The following TMEM178B variants were observed in gnomAD, a reference collection of about 807,000 sequenced individuals.
TMEM178B encodes the protein transmembrane protein 178B.
A neutral mutation model predicts 31.0 loss-of-function variants in TMEM178B; 5 were observed. That is an observed-to-expected ratio of 0.16 (90% CI 0.08 to 0.34). TMEM178B has a LOEUF of 0.34. TMEM178B is among the 10% of genes least tolerant of loss of function. TMEM178B has a pLI of 1.00. For synonymous variants in TMEM178B, 164 were observed against 164.0 expected (o/e 1.00, Z 0.00); for missense variants, 275 against 400.3 (o/e 0.69, Z 2.67).
chr7:141,203,880 A>T (rs1796919584), intron 1 of TMEM178B, among the ~76,000 whole-genome samples: 1 of 151,998 alleles, frequency 6.6e-6, no homozygotes, highest in African/African-American at 2.4e-5. Flanking sequence ...AAACACACGG[A>T]CTCTCAGAAG....
intron 2 of TMEM178B, among the ~76,000 whole-genome samples, chr7:141,336,179 C>T (rs1445972770): frequency 6.6e-6 from 1 of 152,118 alleles, no homozygotes; most frequent in African/African-American, 2.4e-5. Flanking sequence ...TTATTTGCTG[C>T]TCTTCCTCAT....
chr7:141,470,919 G>A lies in TMEM178B; in HGVS notation c.*133G>A, dbSNP rs1802230093. The A allele has an allele frequency of 1.1e-5, 5 of 441,674 alleles. No homozygotes were observed. Among genetic ancestry groups the A allele is most frequent in the Non-Finnish European group, 1.6e-5 (5 of 322,020 alleles). 27.4% of individuals were successfully genotyped at this position (441,674 alleles called of 1,614,324 possible). A position where few individuals can be genotyped will look rare whatever the true frequency, so the allele number is the denominator to read the frequency against. On this transcript the variant is annotated 3_prime_UTR_variant, in exon 4 of 4. Coordinates refer to ENST00000565468, the MANE Select transcript of TMEM178B (RefSeq NM_001195278.2). Reference sequence around the variant, plus strand: ...GAGTTGGCTCAGGCACCTGCATCTCGCCGGACTTTGTGTTGCCTCATCTCT... The same window carrying A: ...GAGTTGGCTCAGGCACCTGCATCTCACCGGACTTTGTGTTGCCTCATCTCT...
At chr7:141,386,988 T>G (rs1800443013) in intron 2 of TMEM178B, among the ~76,000 whole-genome samples, 1 of 152,166 alleles carries the variant, frequency 6.6e-6, no homozygotes, top group Non-Finnish European at 1.5e-5. Context: ...TATTCTAGCT[T>G]GAGTCAGAAT....
At chr7:141,262,293 T>C (rs903054556) in intron 2 of TMEM178B, among the ~76,000 whole-genome samples, 3 of 152,048 alleles carry the variant, frequency 2.0e-5, no homozygotes, top group African/African-American at 7.2e-5. Context: ...TGGTGCTCTC[T>C]TTCTCCCTCT....
intron 1 of TMEM178B, among the ~76,000 whole-genome samples, chr7:141,150,371 A>G (rs1217166651): frequency 6.6e-6 from 1 of 152,170 alleles, no homozygotes; most frequent in Non-Finnish European, 1.5e-5. Context: ...GCTCAGTTAT[A>G]TGTATGTTTC....
intron 1 of TMEM178B, among the ~76,000 whole-genome samples, chr7:141,205,485 A>G (rs990070624): frequency 1.6e-4 from 25 of 152,132 alleles, no homozygotes; most frequent in African/African-American, 4.6e-4. Flanking sequence ...CCTTCTCAGC[A>G]TCTTTGCTCT....
At chr7:141,329,453 G>A (rs570579904) in intron 2 of TMEM178B, among the ~76,000 whole-genome samples, 14 of 152,270 alleles carry the variant, frequency 9.2e-5, no homozygotes, top group East Asian at 1.9e-4. Context: ...TTGAACCACC[G>A]TATCAAATCA....
chr7:141,483,829 G>A (rs182661356), downstream of TMEM178B, among the ~76,000 whole-genome samples: 555 of 151,076 alleles, frequency 3.7e-3, 3 homozygotes, highest in African/African-American at 0.012. Context: ...TCCGCCTCCC[G>A]AGTTTAAGTG....
At chr7:141,442,018 C>T (rs1444639211) in intron 3 of TMEM178B, among the ~76,000 whole-genome samples, 2 of 152,196 alleles carry the variant, frequency 1.3e-5, no homozygotes, top group Admixed American at 1.3e-4. Context: ...GGCACAACAC[C>T]ATTTGTGTGC....
At chr7:141,326,973 G>A (rs1799202132) in intron 2 of TMEM178B, among the ~76,000 whole-genome samples, 1 of 152,152 alleles carries the variant, frequency 6.6e-6, no homozygotes, top group Admixed American at 6.5e-5. Context: ...AAATAGCCAT[G>A]TGTTGTTGGT....
chr7:141,180,424 C>T (rs1337516273), intron 1 of TMEM178B, among the ~76,000 whole-genome samples: 1 of 133,332 alleles, frequency 7.5e-6, no homozygotes, highest in Admixed American at 8.6e-5. Flanking sequence ...CGCACCACTG[C>T]GATCTCCAGC....
chr7:141,111,822 G>C (rs141919989), intron 1 of TMEM178B, among the ~76,000 whole-genome samples: 1 of 152,156 alleles, frequency 6.6e-6, no homozygotes, highest in Non-Finnish European at 1.5e-5. Context: ...AATTAATGCC[G>C]TTGTGAATTG....
chr7:141,453,990 A>G (rs1801914737), intron 3 of TMEM178B, among the ~76,000 whole-genome samples: 1 of 151,782 alleles, frequency 6.6e-6, no homozygotes, highest in African/African-American at 2.4e-5. Flanking sequence ...TGACCCTCCA[A>G]TTTGGGCCCT....
intron 2 of TMEM178B, among the ~76,000 whole-genome samples, chr7:141,434,081 GCTGTT>G (rs1335651018): frequency 2.0e-5 from 3 of 152,188 alleles, no homozygotes; most frequent in Non-Finnish European, 2.9e-5. Flanking sequence ...TCATTTTGCT[GCTGTT>G]CTGCCTTTTC....
chr7:141,100,111 G>A (rs527538965), intron 1 of TMEM178B, among the ~76,000 whole-genome samples: 4 of 152,088 alleles, frequency 2.6e-5, no homozygotes, highest in African/African-American at 7.2e-5. Context: ...GAGCCACTGC[G>A]CCCGACCAAA....
intron 2 of TMEM178B, among the ~76,000 whole-genome samples, chr7:141,285,568 A>C (rs1798436052): frequency 6.6e-6 from 1 of 152,124 alleles, no homozygotes; most frequent in Non-Finnish European, 1.5e-5. Context: ...TTTCTGTACC[A>C]TTTGACCCAG....
intron 1 of TMEM178B, among the ~76,000 whole-genome samples, chr7:141,180,035 T>C (rs530046178): frequency 4.6e-5 from 7 of 152,264 alleles, no homozygotes; most frequent in Admixed American, 1.3e-4. Flanking sequence ...AGCAATTTAA[T>C]TAAACCAACT....
chr7:141,423,805 G>GTTTTTTT (rs5888005), intron 2 of TMEM178B, among the ~76,000 whole-genome samples: 1 of 108,812 alleles, frequency 9.2e-6, no homozygotes. Flanking sequence ...TGACATTTGT[G>GTTTTTTT]TTTTTTTTTT....
chr7:141,172,917 A>C (rs183706877), intron 1 of TMEM178B: 2 of 152,192 alleles, frequency 1.3e-5, no homozygotes, highest in African/African-American at 4.8e-5. Context: ...GTGTGTGACT[A>C]TGTGTGTGCA....
Sources: gnomAD v4.1 joint callset for allele counts (sites outside exome capture counted in the v4.1 genomes callset) on GRCh38, gnomAD v4.1.1 for gene constraint, MANE v1.5 for transcripts, NCBI Gene and HGNC (gene_info 2026-07-23, HGNC 2026-07-21) for gene names.